Variants in PER3 observed in about 807,000 individuals in gnomAD.
PER3 encodes period circadian protein homolog 3.
In PER3, 107 loss-of-function variants were observed where a neutral mutation model predicts 127.2. The ratio of observed to expected loss-of-function variants is 0.84; its 90% confidence interval spans 0.72 to 0.99. PER3 has a LOEUF of 0.99. Ranked by LOEUF, PER3 falls within the 50% of genes least tolerant of loss-of-function variation. PER3 has a pLI of 0.00. For synonymous variants in PER3, 618 were observed against 585.8 expected, an observed-to-expected ratio of 1.05 and a Z score of -0.79; for missense variants, 1,560 against 1,525.8, an observed-to-expected ratio of 1.02 and a Z score of -0.37.
At chr1:7,789,104 T>A (rs1447560852) in intron 5 of PER3, among the ~76,000 whole-genome samples, 1 of 150,062 alleles carries the variant, frequency 6.7e-6, no homozygotes, top group Non-Finnish European at 1.5e-5. Context: ...TTCATTATTT[T>A]ATATTCTTTG....
rs2097306119 is a variant in PER3 at position 7,827,278 on chromosome 1, C to T, written c.2349C>T (p.Ala783=). The T allele has an allele frequency of 3.1e-6, 5 of 1,613,822 alleles. No homozygotes were observed. The highest frequency in any genetic ancestry group is 4.2e-6 in the Non-Finnish European group (5 of 1,179,874). The change falls in exon 18 of 22, where the codon GCC becomes GCT. Residue 783 remains alanine (A), a synonymous_variant. Transcript: ENST00000377532. ...QNAQPCCPSA[A]SSPHTSSPTF... is the part of the protein sequence containing the mutation. ...CACAGCCCTGCTGCCCCTCCGCGGC[C>T]TCCTCTCCGCACACCTCGAGCCCGA...
rs749600392 is a variant in PER3 at position 7,827,279 on chromosome 1, T to G, written c.2350T>G (p.Ser784Ala). 2 of 1,613,732 alleles carry G rather than the reference T, an allele frequency of 1.2e-6. No homozygotes were observed. Among genetic ancestry groups the G allele is most frequent in the East Asian group, 2.2e-5 (1 of 44,844 alleles). Residue 784 changes from serine to alanine, a missense_variant, in exon 18 of 22, where the codon TCC becomes GCC. This residue lies in a region of PER3 where 1,332 missense variants were observed against 1,223.6 expected (regional missense o/e 1.09). Transcript: ENST00000377532. Reference sequence around the variant, plus strand: ...ACAGCCCTGCTGCCCCTCCGCGGCCTCCTCTCCGCACACCTCGAGCCCGAC... The same window carrying G: ...ACAGCCCTGCTGCCCCTCCGCGGCCGCCTCTCCGCACACCTCGAGCCCGAC... ...NAQPCCPSAA[S>A]SPHTSSPTFP...
At chr1:7,816,653 A>G (rs1209162374) in intron 13 of PER3, among the ~76,000 whole-genome samples, 2 of 152,216 alleles carry the variant, frequency 1.3e-5, no homozygotes, top group African/African-American at 4.8e-5. Context: ...GAGAATGGCT[A>G]AGTTTTTTTA....
In PER3 at chr1:7,838,417, CT is replaced by C. The variant is rs748080297; in HGVS notation, c.3549+1277del. Among the ~76,000 whole-genome samples the C allele has an allele frequency of 1.4e-3, 216 of 151,180 alleles. 1 individual carries two copies. Among genetic ancestry groups the C allele is most frequent in the Middle Eastern group, 0.01 (3 of 290 alleles). On this transcript the variant is annotated intron_variant, in intron 21 of 21. Coordinates refer to ENST00000377532, the MANE Select transcript of PER3 (RefSeq NM_001377275.1). ...ACCACTGGTCTACTTTCTCTTTTTT[CT>C]TTTTTTTTGAGACAAAGTTTTGCTC... is the stretch of plus-strand genomic sequence containing the variant.
intron 2 of PER3, 47 bp from the exon 3 acceptor site, chr1:7,785,394 G>T (rs1313014210): frequency 6.7e-7 from 1 of 1,499,470 alleles, no homozygotes; most frequent in African/African-American, 1.4e-5. Flanking sequence ...GCCGCAAGAT[G>T]CTGTTGTCTT....
intron 18 of PER3, among the ~76,000 whole-genome samples, chr1:7,829,328 C>G (rs535028250): frequency 2.6e-4 from 39 of 152,310 alleles, no homozygotes; most frequent in African/African-American, 9.4e-4. Flanking sequence ...ATCACAATTT[C>G]ATGGATAGAA....
At chr1:7,800,885 T>A (rs2097167931) in intron 7 of PER3, among the ~76,000 whole-genome samples, 2 of 152,128 alleles carry the variant, frequency 1.3e-5, no homozygotes, top group Admixed American at 6.6e-5. Flanking sequence ...TCTCTCTGTT[T>A]AAAATTGACT....
Position 7,827,372 on chromosome 1 carries a change from G to A in PER3, c.2443G>A (p.Ala815Thr), listed in dbSNP as rs775310427. ...CGTCCCAGCTTTTCCCCTCCCAGCC[G>A]CGACCTCACCCGGAAGAGAATACGC... ...YLVPAFPLPA[A>T]TSPGREYAAP... Residue 815 changes from alanine (A) to threonine (T), a missense_variant, in exon 18 of 22, where the codon GCG (alanine) becomes ACG (threonine). Around this residue, in one of 3 missense-constraint regions of PER3, gnomAD observed 1,332 missense variants for 1,223.6 expected, o/e 1.09. Coordinates refer to ENST00000377532, the MANE Select transcript of PER3 (RefSeq NM_001377275.1). 3.1e-6 allele frequency: 5 copies of A among 1,613,942 alleles called. No homozygotes were observed. Among genetic ancestry groups the A allele is most frequent in the East Asian group, 2.2e-5 (1 of 44,888 alleles).
In PER3 at chr1:7,844,477, A is replaced by G. The variant is rs1289940199; in HGVS notation, c.*1722A>G. The G allele has an allele frequency of 6.6e-6, 1 of 152,578 alleles. No homozygotes were observed. The highest frequency in any genetic ancestry group is 1.5e-5 in the Non-Finnish European group (1 of 68,124). The allele number at this position is 152,578 out of a possible 1,614,324, so 9.5% of individuals were successfully genotyped here. On this transcript the variant is annotated 3_prime_UTR_variant, in exon 22 of 22. Coordinates refer to ENST00000377532, the MANE Select transcript of PER3 (RefSeq NM_001377275.1). The stretch of plus-strand genomic sequence containing the variant: ...TGTCTGTCAGTGACCTTCTGTAGTA[A>G]TAAAGTTTTTGCCACTGTAAATAAA...
At chr1:7,817,262 AAAC>A (rs1281014264) in intron 13 of PER3, among the ~76,000 whole-genome samples, 1 of 152,150 alleles carries the variant, frequency 6.6e-6, no homozygotes, top group Non-Finnish European at 1.5e-5. Context: ...GCATTTGCCA[AAAC>A]CCACAGATTT....
intron 6 of PER3, among the ~76,000 whole-genome samples, chr1:7,796,689 G>C (rs888017307): frequency 6.6e-6 from 1 of 152,132 alleles, no homozygotes; most frequent in Non-Finnish European, 1.5e-5. Flanking sequence ...AAGAAGGGAG[G>C]CAGGGAGGGC....
Position 7,824,510 on chromosome 1 carries a change from G to A in PER3, c.1958-1970G>A, listed in dbSNP as rs569550004. On this transcript the variant is annotated intron_variant, in intron 16 of 21. Coordinates refer to ENST00000377532, the MANE Select transcript of PER3 (RefSeq NM_001377275.1). Reference sequence around the variant, plus strand: ...ATATAAACTGTAGACTCAGTTTCTCGGTGCCTTTTTTCCTTATTATGGGGT... The same window carrying A: ...ATATAAACTGTAGACTCAGTTTCTCAGTGCCTTTTTTCCTTATTATGGGGT... Among the ~76,000 whole-genome samples the A allele has an allele frequency of 8.6e-5, 13 of 151,852 alleles. No individual in the cohort carries two copies. In the South Asian group the frequency reaches 2.5e-3, roughly 29 times the overall value.
chr1:7,786,915 G>A, intron 4 of PER3, 79 bp downstream of exon 4: 1 of 801,526 alleles, frequency 1.2e-6, no homozygotes, highest in South Asian at 1.5e-5. Context: ...CTTTTAAGAA[G>A]GATAACAACG....
At chr1:7,805,605 C>T (rs1400292987) in intron 10 of PER3, among the ~76,000 whole-genome samples, 1 of 152,202 alleles carries the variant, frequency 6.6e-6, no homozygotes, top group Non-Finnish European at 1.5e-5. Context: ...TGGTATTGCT[C>T]AGAAAGGACT....
chr1:7,803,277 A>T (rs1044444553), intron 9 of PER3, 124 bp downstream of exon 9: 1 of 711,612 alleles, frequency 1.4e-6, no homozygotes, highest in African/African-American at 1.7e-5. Flanking sequence ...CTGCTAAAGC[A>T]ATTGTTTTCT....
Position 7,844,565 on chromosome 1 carries a change from A to G in PER3, c.*1810A>G, listed in dbSNP as rs888841095. The G allele has an allele frequency of 2.0e-5, 3 of 152,818 alleles. No individual in the cohort carries two copies. The highest frequency in any genetic ancestry group is 6.5e-5 in the Admixed American group (1 of 15,286). 9.5% of individuals were successfully genotyped at this position (152,818 alleles called of 1,614,324 possible). ...TATATGCTAAGCCTTCTGTTCTCTA[A>G]TAGAAGCCTTTCTTTTCCATTGTTT... is the stretch of plus-strand genomic sequence containing the variant. On this transcript the variant is annotated 3_prime_UTR_variant, in exon 22 of 22. Coordinates refer to ENST00000377532, the MANE Select transcript of PER3 (RefSeq NM_001377275.1).
chr1:7,805,927 A>G (rs527239855), intron 10 of PER3, among the ~76,000 whole-genome samples: 1 of 152,364 alleles, frequency 6.6e-6, no homozygotes, highest in East Asian at 1.9e-4. Flanking sequence ...TCTTAACAAC[A>G]AAGATTATGT....
intron 8 of PER3, among the ~76,000 whole-genome samples, chr1:7,801,745 G>A (rs966147699): frequency 6.6e-6 from 1 of 152,182 alleles, no homozygotes; most frequent in South Asian, 2.1e-4. Flanking sequence ...ATAGTAGGTA[G>A]TAGTTATTGC....
chr1:7,814,379 A>G (rs2097236907), intron 13 of PER3, among the ~76,000 whole-genome samples: 1 of 152,256 alleles, frequency 6.6e-6, no homozygotes, highest in South Asian at 2.1e-4. Context: ...AGAAACAAAG[A>G]CAAGAATTGT....
Sources: gnomAD v4.1 joint callset for allele counts (sites outside exome capture counted in the v4.1 genomes callset) on GRCh38, gnomAD v4.1.1 for gene constraint, gnomAD v4.1.1 regional missense constraint, MANE v1.5 for transcripts, NCBI Gene and HGNC (gene_info 2026-07-23, HGNC 2026-07-21) for gene names.